Variants in JCAD observed in about 807,000 individuals in gnomAD.
JCAD encodes junctional cadherin 5-associated protein.
JCAD carries 40 observed loss-of-function variants against 98.0 expected under a neutral mutation model. The ratio of observed to expected loss-of-function variants is 0.41; its 90% CI spans 0.32 to 0.53. The LOEUF is 0.53. Ranked by LOEUF, JCAD falls within the 20% of genes least tolerant of loss-of-function variation. JCAD has a pLI of 0.31. For synonymous variants in JCAD, 691 were observed against 682.3 expected, an observed-to-expected ratio of 1.01 and a Z score of -0.20; for missense variants, 1,705 against 1,738.1, an observed-to-expected ratio of 0.98 and a Z score of 0.34.
At chr10:30,084,781 GTATCTATCTATCTATC>G (rs61201965) in intron 1 of JCAD, among the ~76,000 whole-genome samples, 34 of 146,874 alleles carry the variant, frequency 2.3e-4, no homozygotes, top group East Asian at 1.2e-3. Flanking sequence ...AATCAAATCT[GTATCTATCTATCTATC>G]TATCTATCTA....
intron 3 of JCAD, 30 bp from the exon 4 acceptor site, chr10:30,017,947 G>C: frequency 6.4e-7 from 1 of 1,569,544 alleles, no homozygotes; most frequent in Admixed American, 1.7e-5. Context: ...AAGAAAATTA[G>C]TGTTATATTC....
intron 1 of JCAD, among the ~76,000 whole-genome samples, chr10:30,077,729 T>C (rs568021824): frequency 6.6e-6 from 1 of 152,220 alleles, no homozygotes; most frequent in Non-Finnish European, 1.5e-5. Context: ...TCAAGGTTCA[T>C]TCATGTTGCA....
intron 1 of JCAD, among the ~76,000 whole-genome samples, chr10:30,113,654 C>T (rs1838744817): frequency 6.6e-6 from 1 of 151,830 alleles, no homozygotes; most frequent in African/African-American, 2.4e-5. Flanking sequence ...TGGCTCCACC[C>T]TCCTCATAGG....
rs746317710 is a variant in JCAD at position 30,026,162 on chromosome 10, T to A, written c.3986A>T (p.Glu1329Val). ...CTTTTGTGCTGCCGGATGCTCCTTCTCTTCCCTGGAGATGCTGTCCTTGGA... is the reference window on the plus strand; with the variant it reads ...CTTTTGTGCTGCCGGATGCTCCTTCACTTCCCTGGAGATGCTGTCCTTGGA... ...SVSKDSISRE[E>V]KEHPAAQKEK... The change falls in exon 3 of 4, where the codon GAG (glutamate) becomes GTG (valine). Residue 1329 changes from glutamate to valine, a missense_variant. This residue lies in a region of JCAD where 1,278 missense variants were observed against 1,243.1 expected (regional missense o/e 1.03). Coordinates refer to ENST00000375377, the MANE Select transcript of JCAD (RefSeq NM_020848.4). 1 of 1,614,108 alleles carries A rather than the reference T, an allele frequency of 6.2e-7. No individual in the cohort carries two copies. The highest frequency in any genetic ancestry group is 1.3e-5 in the African/African-American group (1 of 74,950).
chr10:30,053,865 C>G (rs1454452686), intron 1 of JCAD, among the ~76,000 whole-genome samples: 4 of 151,996 alleles, frequency 2.6e-5, no homozygotes, highest in South Asian at 2.1e-4. Context: ...GAGTTCAAGA[C>G]CAGTCTGACC....
rs71023538 is a variant in JCAD at position 30,019,989 on chromosome 10, TAA to T, written c.4046-2074_4046-2073del. 4.9e-3 allele frequency among the ~76,000 whole-genome samples: 657 copies of T among 133,824 alleles called. 4 individuals are homozygous for T. The highest frequency in any genetic ancestry group is 7.6e-3 in the Middle Eastern group (2 of 262). The allele number at this position is 133,824 out of a possible 152,430, so 87.8% of individuals were successfully genotyped here. ...GCATGGTCAAAAAAGGTGATTCACT[TAA>T]AAAAAAAAAAAAAGGAAATCTGGAA... is the stretch of plus-strand genomic sequence containing the variant. On this transcript the variant is annotated intron_variant, in intron 3 of 3. Coordinates refer to ENST00000375377, the MANE Select transcript of JCAD (RefSeq NM_020848.4).
chr10:30,026,533 A>G lies in JCAD; in HGVS notation c.3615T>C (p.Asp1205=), dbSNP rs765353619. ...PLESKFFEQK[D]VETKPPFRST... is the part of the protein sequence containing the mutation. ...ACCTGAAGGGTGGTTTTGTTTCCAC[A>G]TCCTTTTGTTCGAAGAACTTGGACT... The change falls in exon 3 of 4, where the codon GAT becomes GAC. Residue 1205 remains aspartate, a synonymous_variant. Coordinates refer to ENST00000375377, the MANE Select transcript of JCAD (RefSeq NM_020848.4). The G allele has an allele frequency of 6.2e-7, 1 of 1,614,178 alleles. No homozygotes were observed. The highest frequency in any genetic ancestry group is 2.2e-5 in the East Asian group (1 of 44,880).
Position 30,026,616 on chromosome 10 carries a change from C to T in JCAD, c.3532G>A (p.Val1178Met). The T allele has an allele frequency of 6.2e-7, 1 of 1,613,662 alleles. No individual in the cohort carries two copies. Among genetic ancestry groups the T allele is most frequent in the Non-Finnish European group, 8.5e-7 (1 of 1,180,028 alleles). Reference sequence around the variant, plus strand: ...TCTGTGCTGGTGACAACCCCGTCCACATCTGAGTGCTCAAAAGCCTGAGGA... The same window carrying T: ...TCTGTGCTGGTGACAACCCCGTCCATATCTGAGTGCTCAAAAGCCTGAGGA... ...RAPQAFEHSD[V>M]DGVVTSTDPV... is the part of the protein sequence containing the mutation. Residue 1178 changes from valine (V) to methionine (M), a missense_variant, in exon 3 of 4, where the codon GTG (valine) becomes ATG (methionine). By Grantham distance (21) the Val-to-Met change is conservative. Transcript: ENST00000375377.
intron 1 of JCAD, among the ~76,000 whole-genome samples, chr10:30,073,681 G>C (rs145825538): frequency 0.046 from 6,351 of 137,646 alleles, 403 homozygotes; most frequent in African/African-American, 0.16. Context: ...TTCCTTCCTT[G>C]CTTCCTTCCT....
intron 1 of JCAD, among the ~76,000 whole-genome samples, chr10:30,087,144 T>A (rs1327257474): frequency 6.6e-6 from 1 of 152,128 alleles, no homozygotes; most frequent in African/African-American, 2.4e-5. Flanking sequence ...GGCAACCGAT[T>A]GTCAAGTCTG....
At chr10:30,069,244 C>T (rs1362180767) in intron 2 of JCAD, among the ~76,000 whole-genome samples, 1 of 151,970 alleles carries the variant, frequency 6.6e-6, no homozygotes, top group Non-Finnish European at 1.5e-5. Context: ...GAATCTTCAC[C>T]ATAGGAGTGG....
chr10:30,036,765 C>T (rs150827674), intron 2 of JCAD, among the ~76,000 whole-genome samples: 3 of 152,368 alleles, frequency 2.0e-5, no homozygotes, highest in African/African-American at 7.2e-5. Context: ...CCCTCAAAGT[C>T]CAGTCAGCCA....
intron 1 of JCAD, among the ~76,000 whole-genome samples, chr10:30,052,794 T>G (rs1268099532): frequency 1.3e-5 from 2 of 152,212 alleles, no homozygotes; most frequent in Non-Finnish European, 2.9e-5. Context: ...TTATTTCAAT[T>G]ACGGATCTTC....
chr10:30,046,008 T>C (rs560582833), intron 2 of JCAD, among the ~76,000 whole-genome samples: 1 of 152,338 alleles, frequency 6.6e-6, no homozygotes, highest in South Asian at 2.1e-4. Context: ...CCTCGAACCA[T>C]GGAAGGCGAG....
chr10:30,033,995 G>C (rs1837057106), intron 2 of JCAD, among the ~76,000 whole-genome samples: 1 of 152,128 alleles, frequency 6.6e-6, no homozygotes, highest in Admixed American at 6.6e-5. Flanking sequence ...GGCTGAGGTG[G>C]GTGGATCACC....
intron 2 of JCAD, among the ~76,000 whole-genome samples, chr10:30,041,061 C>T (rs921270710): frequency 6.6e-6 from 1 of 152,206 alleles, no homozygotes; most frequent in Admixed American, 6.5e-5. Flanking sequence ...CTCCACACCA[C>T]TGCACCTCCA....
chr10:30,048,417 C>T (rs1589693335), intron 1 of JCAD, among the ~76,000 whole-genome samples: 2 of 152,180 alleles, frequency 1.3e-5, no homozygotes, highest in East Asian at 3.9e-4. Context: ...GCCATCGAAA[C>T]AGCAACTGCC....
intron 1 of JCAD, among the ~76,000 whole-genome samples, chr10:30,092,240 T>C (rs1419786058): frequency 1.3e-5 from 2 of 150,036 alleles, no homozygotes; most frequent in African/African-American, 4.9e-5. Flanking sequence ...GAAAGGAGAA[T>C]GGCCGAGAAA....
intron 1 of JCAD, among the ~76,000 whole-genome samples, chr10:30,056,275 T>TA (rs1266030729): frequency 1.3e-5 from 2 of 151,954 alleles, no homozygotes; most frequent in South Asian, 4.2e-4. Context: ...ATCTTCAGAA[T>TA]AAAAAAAAGC....
Sources: allele counts gnomAD v4.1 joint callset (sites outside exome capture counted in the v4.1 genomes callset), GRCh38; gene constraint gnomAD v4.1.1; regional missense constraint gnomAD v4.1.1; transcripts MANE v1.5; gene names NCBI Gene and HGNC (gene_info 2026-07-23, HGNC 2026-07-21).